ADAMTSL1: variants seen among roughly 807,000 people sequenced by gnomAD.
The protein encoded by ADAMTSL1 is ADAMTS-like protein 1.
ADAMTSL1 carries 126 observed loss-of-function variants against 201.8 expected under a neutral mutation model. The ratio of observed to expected loss-of-function variants is 0.62; its 90% CI spans 0.54 to 0.72. ADAMTSL1 has a LOEUF of 0.72. Among genes scored for constraint, ADAMTSL1 ranks in the 30% least tolerant of loss-of-function variants. ADAMTSL1 has a pLI of 0.00. For missense variants in ADAMTSL1, 2,679 were observed against 2,277.8 expected, an observed-to-expected ratio of 1.18 and a Z score of -3.59; for synonymous variants, 1,121 against 903.4, an observed-to-expected ratio of 1.24 and a Z score of -4.32.
At chr9:18,753,597 G>C (rs1588046872) in intron 16 of ADAMTSL1, 89 bp downstream of exon 16, 7 of 1,392,232 alleles carry the variant, frequency 5.0e-6, no homozygotes, top group Non-Finnish European at 5.9e-6. Context: ...TTTGTCCAGG[G>C]ATGTTAAAGG....
chr9:18,070,287 A>G (rs771855754), intron 1 of ADAMTSL1, among the ~76,000 whole-genome samples: 76 of 152,352 alleles, frequency 5.0e-4, no homozygotes, highest in South Asian at 6.2e-4. Context: ...CAGAGGAGCC[A>G]GTGCTGGGAA....
rs182141110 is a variant in ADAMTSL1, at chr9:18,095,778, A to G, written c.88-68084A>G. On this transcript the variant is annotated intron_variant, in intron 1 of 29. Transcript: ENST00000680146. ...ACAACGTATTTCAGTCTCATCTTGC[A>G]TAATTCTTGCTCCAGTCCTGGAATC... Among the ~76,000 whole-genome samples, 12 of 152,238 alleles carry G rather than the reference A, an allele frequency of 7.9e-5. No homozygotes were observed. In the East Asian group the frequency reaches 1.4e-3, roughly 17 times the overall value.
chr9:18,531,942 C>T (rs896965353), intron 2 of ADAMTSL1, among the ~76,000 whole-genome samples: 8 of 152,126 alleles, frequency 5.3e-5, no homozygotes, highest in Non-Finnish European at 8.8e-5. Flanking sequence ...TCCTAAGCTT[C>T]GGTTTTGTCA....
intron 2 of ADAMTSL1, among the ~76,000 whole-genome samples, chr9:18,200,666 G>A (rs1322694133): frequency 2.0e-5 from 3 of 151,878 alleles, no homozygotes; most frequent in Non-Finnish European, 2.9e-5. Flanking sequence ...ACCTTGTGAC[G>A]TATAAAGTAA....
At position 18,492,259 on chromosome 9, in the gene ADAMTSL1, G is replaced by T. The variant is rs759675034; in HGVS notation, c.64-12570G>T. On this transcript the variant is annotated intron_variant, in intron 1 of 28. Transcript: ENST00000380548. Reference sequence around the variant, plus strand: ...ACATCATTCCTTAACACTTGGCTAGGAATTAAGTCAATATAGAAACTGAAA... The same window carrying T: ...ACATCATTCCTTAACACTTGGCTAGTAATTAAGTCAATATAGAAACTGAAA... Among the ~76,000 whole-genome samples, 32 of 152,182 alleles carry T rather than the reference G, an allele frequency of 2.1e-4. 1 individual carries two copies. The highest frequency in any genetic ancestry group is 4.3e-4 in the Non-Finnish European group (29 of 67,984).
Position 18,259,545 on chromosome 9 carries a change from C to T in ADAMTSL1, c.207+95564C>T, listed in dbSNP as rs371788347. ...AAAAAATACATATATCCTTATGTAG[C>T]ATCACAAGCTTAATGTGCTCAGGTA... is the stretch of plus-strand genomic sequence containing the variant. On this transcript the variant is annotated intron_variant, in intron 2 of 29. Transcript: ENST00000680146. Among the ~76,000 whole-genome samples the T allele has an allele frequency of 8.6e-5, 13 of 151,904 alleles. No homozygotes were observed. In the South Asian group the frequency reaches 2.3e-3, roughly 27 times the overall value.
intron 2 of ADAMTSL1, among the ~76,000 whole-genome samples, chr9:18,431,395 G>C (rs905718110): frequency 1.3e-5 from 2 of 152,166 alleles, no homozygotes; most frequent in Non-Finnish European, 2.9e-5. Flanking sequence ...GTCTCTCTTA[G>C]ACTAAGCTTG....
chr9:17,918,526 T>C (rs1012066517), intron 1 of ADAMTSL1, among the ~76,000 whole-genome samples: 4 of 151,920 alleles, frequency 2.6e-5, no homozygotes, highest in African/African-American at 7.2e-5. Flanking sequence ...CTTTTTAATT[T>C]ATTGACACTT....
intron 2 of ADAMTSL1, among the ~76,000 whole-genome samples, chr9:18,372,313 G>A (rs910118310): frequency 4.6e-5 from 7 of 152,176 alleles, no homozygotes; most frequent in Admixed American, 2.6e-4. Flanking sequence ...GGAAGGATAC[G>A]AATGAGTAAC....
intron 20 of ADAMTSL1, 91 bp from the exon 21 acceptor site, chr9:18,817,018 C>T (rs1393561149): frequency 1.3e-6 from 2 of 1,482,170 alleles, no homozygotes; most frequent in Admixed American, 2.1e-5. Flanking sequence ...GTAGACCAGC[C>T]ATGCATTGGT....
At chr9:18,738,037 T>G (rs549227920) in intron 15 of ADAMTSL1, among the ~76,000 whole-genome samples, 9 of 152,326 alleles carry the variant, frequency 5.9e-5, no homozygotes, top group Middle Eastern at 3.4e-3. Flanking sequence ...TGCAGATAAA[T>G]GAATTAATAT....
At chr9:17,958,643 A>G (rs974179559) in intron 1 of ADAMTSL1, among the ~76,000 whole-genome samples, 2 of 152,172 alleles carry the variant, frequency 1.3e-5, no homozygotes, top group Non-Finnish European at 2.9e-5. Flanking sequence ...TGTGTATGAC[A>G]CATACCAGGG....
intron 2 of ADAMTSL1, among the ~76,000 whole-genome samples, chr9:18,519,579 G>A (rs182885846): frequency 2.5e-4 from 38 of 152,286 alleles, no homozygotes; most frequent in African/African-American, 8.2e-4. Flanking sequence ...ATTCTGATTC[G>A]TGTGGATTTG....
At position 18,722,066 on chromosome 9, in the gene ADAMTSL1, A is replaced by T. The variant is rs1403532479; in HGVS notation, c.2006+401A>T. On this transcript the variant is annotated intron_variant, in intron 15 of 28. Coordinates refer to ENST00000380548, the MANE Select transcript of ADAMTSL1 (RefSeq NM_001040272.6). The stretch of plus-strand genomic sequence containing the variant: ...TTGCAGAATATAAGGGCCTGAAGCA[A>T]CTGGGTGGTATAATTGATCCACTGT... Among the ~76,000 whole-genome samples, 7 of 152,204 alleles carry T rather than the reference A, an allele frequency of 4.6e-5. No homozygotes were observed. The East Asian group carries it at 1.3e-3, about 29-fold the overall frequency.
At position 18,604,492 on chromosome 9, in the gene ADAMTSL1, T is replaced by C. The variant is rs576245967; in HGVS notation, c.475-17751T>C. Among the ~76,000 whole-genome samples the C allele has an allele frequency of 2.0e-5, 3 of 152,346 alleles. No individual in the cohort carries two copies. The South Asian group carries it at 6.2e-4, about 32-fold the overall frequency. On this transcript the variant is annotated intron_variant, in intron 4 of 28. Coordinates refer to ENST00000380548, the MANE Select transcript of ADAMTSL1 (RefSeq NM_001040272.6). ...TATGAATTTGACTATTTGGGGTGCC[T>C]AGTATAATGAAATCATATAATATTT...
chr9:18,871,427 T>C (rs1827865047), intron 23 of ADAMTSL1, among the ~76,000 whole-genome samples: 1 of 152,206 alleles, frequency 6.6e-6, no homozygotes, highest in South Asian at 2.1e-4. Context: ...CTTCAATCAC[T>C]GAATTCTAGA....
Position 18,847,144 on chromosome 9 carries a change from G to A in ADAMTSL1, c.4249+17167G>A, listed in dbSNP as rs1374916598. Among the ~76,000 whole-genome samples, 5 of 152,270 alleles carry A rather than the reference G, an allele frequency of 3.3e-5. No individual in the cohort carries two copies. The South Asian group carries it at 1.0e-3, about 32-fold the overall frequency. ...TTTTTGAACAGCTCAGAAGTGTTAG[G>A]ACAGACAGAAAAGTCAATCATGAGT... On this transcript the variant is annotated intron_variant, in intron 23 of 28. Coordinates refer to ENST00000380548, the MANE Select transcript of ADAMTSL1 (RefSeq NM_001040272.6).
At chr9:18,462,587 C>A (rs999294721) in intron 2 of ADAMTSL1, among the ~76,000 whole-genome samples, 1 of 152,090 alleles carries the variant, frequency 6.6e-6, no homozygotes, top group African/African-American at 2.4e-5. Context: ...AAAGACCTAT[C>A]TGTGGAAGGA....
intron 2 of ADAMTSL1, among the ~76,000 whole-genome samples, chr9:18,527,462 C>A (rs929774814): frequency 6.6e-6 from 1 of 151,988 alleles, no homozygotes; most frequent in Admixed American, 6.6e-5. Context: ...AGTAAAGGAG[C>A]GATAAATCAA....
Sources: gnomAD v4.1 joint callset for allele counts (sites outside exome capture counted in the v4.1 genomes callset) on GRCh38, gnomAD v4.1.1 for gene constraint, MANE v1.5 for transcripts, NCBI Gene and HGNC (gene_info 2026-07-23, HGNC 2026-07-21) for gene names.